The following SEC24B variants were observed in gnomAD, a reference collection of about 807,000 sequenced individuals.
The protein encoded by SEC24B is protein transport protein Sec24B.
In SEC24B, 45 loss-of-function variants were observed where a neutral mutation model predicts 142.8. That is an observed-to-expected ratio of 0.32 (90% CI 0.25 to 0.40). The LOEUF (loss-of-function observed/expected upper bound fraction) is 0.40. SEC24B is among the 10% of genes least tolerant of loss of function. The probability of loss-of-function intolerance (pLI) is 1.00; values close to 1 mark genes in which losing one functional copy is unlikely to be tolerated. For missense variants in SEC24B, 1,409 were observed against 1,526.8 expected, an observed-to-expected ratio of 0.92 and a Z score of 1.29; for synonymous variants, 574 against 568.2, an observed-to-expected ratio of 1.01 and a Z score of -0.15.
intron 18 of SEC24B, among the ~76,000 whole-genome samples, chr4:109,527,786 A>G (rs1340733076): frequency 6.6e-6 from 1 of 152,056 alleles, no homozygotes; most frequent in Non-Finnish European, 1.5e-5. Flanking sequence ...GTCTCAAAAA[A>G]AAAAAGAAAG....
At chr4:109,482,263 C>T (rs1733814700) in intron 4 of SEC24B, among the ~76,000 whole-genome samples, 1 of 152,082 alleles carries the variant, frequency 6.6e-6, no homozygotes, top group African/African-American at 2.4e-5. Context: ...TTTAGAAGGC[C>T]CAGAATTTGT....
At chr4:109,481,980 T>C (rs1733789717) in intron 4 of SEC24B, among the ~76,000 whole-genome samples, 199 bp downstream of exon 4, 1 of 152,250 alleles carries the variant, frequency 6.6e-6, no homozygotes, top group South Asian at 2.1e-4. Context: ...CTTTGCCATA[T>C]TGTAAATAAT....
At chr4:109,480,134 TTTAG>T (rs1733587199) in intron 3 of SEC24B, among the ~76,000 whole-genome samples, 1 of 152,238 alleles carries the variant, frequency 6.6e-6, no homozygotes, top group South Asian at 2.1e-4. Flanking sequence ...CATGACTTTT[TTTAG>T]TCATTGTTGA....
intron 19 of SEC24B, among the ~76,000 whole-genome samples, chr4:109,531,048 T>C (rs1429696600): frequency 1.3e-5 from 2 of 152,220 alleles, no homozygotes; most frequent in African/African-American, 4.8e-5. Context: ...TAATATGTCC[T>C]CTGGAAAGAG....
chr4:109,458,095 CT>C (rs909158004), intron 1 of SEC24B, among the ~76,000 whole-genome samples: 33 of 148,588 alleles, frequency 2.2e-4, no homozygotes, highest in South Asian at 2.1e-4. Flanking sequence ...TTTCTTCAGC[CT>C]TTTTTTTTTC....
At chr4:109,497,421 G>T (rs556476919) in intron 6 of SEC24B, among the ~76,000 whole-genome samples, 5 of 152,254 alleles carry the variant, frequency 3.3e-5, no homozygotes, top group African/African-American at 9.6e-5. Flanking sequence ...TCTAGTACAA[G>T]TGTTAGGAAA....
rs199690955 is a variant in SEC24B at position 109,515,863 on chromosome 4, AC to A, written c.2014-656del. Reference sequence around the variant, plus strand: ...ATAACCAGCCTGGCCAACATAGTGAACCCCCCCCCACCCCCATCTCTACCAA... The same window carrying A: ...ATAACCAGCCTGGCCAACATAGTGAACCCCCCCCACCCCCATCTCTACCAA... On this transcript the variant is annotated intron_variant, in intron 10 of 23. Coordinates refer to ENST00000265175, the MANE Select transcript of SEC24B (RefSeq NM_006323.5). 2.6e-3 allele frequency among the ~76,000 whole-genome samples: 362 copies of A among 138,510 alleles called. 1 individual carries two copies. Among genetic ancestry groups the A allele is most frequent in the Non-Finnish European group, 3.0e-3 (191 of 62,996 alleles). 90.9% of individuals were successfully genotyped at this position (138,510 alleles called of 152,430 possible). A position where few individuals can be genotyped will look rare whatever the true frequency, so the allele number is the denominator to read the frequency against.
chr4:109,468,895 A>G (rs774188190), intron 2 of SEC24B, among the ~76,000 whole-genome samples: 13 of 152,128 alleles, frequency 8.5e-5, no homozygotes, highest in Non-Finnish European at 1.9e-4. Context: ...TACAGGATAT[A>G]TGAATAAAGG....
At chr4:109,476,280 C>T (rs1329523231) in intron 3 of SEC24B, among the ~76,000 whole-genome samples, 1 of 152,156 alleles carries the variant, frequency 6.6e-6, no homozygotes, top group Non-Finnish European at 1.5e-5. Context: ...ACCATTGTGC[C>T]TGGCCAATCA....
chr4:109,525,321 A>G, intron 15 of SEC24B, 25 bp from the exon 16 acceptor site: 1 of 1,548,164 alleles, frequency 6.5e-7, no homozygotes, highest in Non-Finnish European at 8.7e-7. Flanking sequence ...TCTATAGCTA[A>G]TACTTTTTGT....
Position 109,506,414 on chromosome 4 carries a change from A to G in SEC24B, c.1575A>G (p.Val525=). Reference sequence around the variant, plus strand: ...CACAACCAGAAAGCCTGAGACCTGTAAACCTTACTCAGGAGAGGAATATTT... The same window carrying G: ...CACAACCAGAAAGCCTGAGACCTGTGAACCTTACTCAGGAGAGGAATATTT... ...SSPQPESLRP[V]NLTQERNILP... is the part of the protein sequence containing the mutation. Residue 525 remains valine (V), a synonymous_variant, in exon 7 of 24, where the codon GTA becomes GTG. Coordinates refer to ENST00000265175, the MANE Select transcript of SEC24B (RefSeq NM_006323.5). 6.2e-7 allele frequency: 1 copy of G among 1,610,768 alleles called. No homozygotes were observed. The highest frequency in any genetic ancestry group is 8.5e-7 in the Non-Finnish European group (1 of 1,178,138).
At chr4:109,455,600 C>CT (rs1730585958) in intron 1 of SEC24B, among the ~76,000 whole-genome samples, 1 of 152,158 alleles carries the variant, frequency 6.6e-6, no homozygotes, top group Non-Finnish European at 1.5e-5. Context: ...AGGTTCTTTT[C>CT]TTTTTTTCAC....
In SEC24B at chr4:109,489,643, G is replaced by T. The variant is rs569924076; in HGVS notation, c.1166-1684G>T. On this transcript the variant is annotated intron_variant, in intron 4 of 23. Coordinates refer to ENST00000265175, the MANE Select transcript of SEC24B (RefSeq NM_006323.5). The stretch of plus-strand genomic sequence containing the variant: ...ATTATAATATATATGGTATATATAT[G>T]ATATATATGGTATATATATGATATA... 7.3e-3 allele frequency among the ~76,000 whole-genome samples: 1,043 copies of T among 142,330 alleles called. 8 individuals are homozygous for T. Among genetic ancestry groups the T allele is most frequent in the Admixed American group, 0.016 (226 of 14,282 alleles). 93.4% of individuals were successfully genotyped at this position (142,330 alleles called of 152,430 possible).
intron 1 of SEC24B, among the ~76,000 whole-genome samples, chr4:109,459,510 T>A (rs1383874165): frequency 6.6e-6 from 1 of 152,206 alleles, no homozygotes; most frequent in Non-Finnish European, 1.5e-5. Context: ...TTTCAGATAC[T>A]TTTTTATACA....
chr4:109,466,146 A>G (rs754512481), intron 2 of SEC24B, among the ~76,000 whole-genome samples: 1 of 152,194 alleles, frequency 6.6e-6, no homozygotes, highest in African/African-American at 2.4e-5. Flanking sequence ...ATATTTTTCA[A>G]GTGCCCCATG....
chr4:109,464,919 T>C (rs190264130), intron 2 of SEC24B, among the ~76,000 whole-genome samples: 123 of 152,350 alleles, frequency 8.1e-4, no homozygotes, highest in Non-Finnish European at 1.1e-3. Flanking sequence ...GTGGATGCAG[T>C]GGATCCCGCT....
intron 10 of SEC24B, among the ~76,000 whole-genome samples, chr4:109,515,620 C>T (rs1307752653): frequency 6.6e-6 from 1 of 152,144 alleles, no homozygotes; most frequent in Non-Finnish European, 1.5e-5. Context: ...TGAGCCACTG[C>T]ACCTGGCCTA....
At chr4:109,489,555 C>G (rs1226602883) in intron 4 of SEC24B, among the ~76,000 whole-genome samples, 1 of 138,132 alleles carries the variant, frequency 7.2e-6, no homozygotes, top group African/African-American at 2.8e-5. Flanking sequence ...CACTCAGTCA[C>G]TCCCCATTTT....
chr4:109,508,500 G>A (rs1736960415), intron 7 of SEC24B, among the ~76,000 whole-genome samples: 2 of 152,104 alleles, frequency 1.3e-5, no homozygotes, highest in Admixed American at 6.6e-5. Flanking sequence ...CCAGGAGGTG[G>A]AAGTTGTGGC....
Sources: gnomAD v4.1 joint callset for allele counts (sites outside exome capture counted in the v4.1 genomes callset) on GRCh38, gnomAD v4.1.1 for gene constraint, MANE v1.5 for transcripts, NCBI Gene and HGNC (gene_info 2026-07-23, HGNC 2026-07-21) for gene names.